DMRT1: variants seen among roughly 807,000 people sequenced by gnomAD.
The protein encoded by DMRT1 is doublesex and mab-3 related transcription factor 1, also known as doublesex- and mab-3-related transcription factor 1.
DMRT1 carries 7 observed loss-of-function variants against 32.3 expected under a neutral mutation model. That is an observed-to-expected ratio of 0.22 (90% CI 0.12 to 0.41). The LOEUF is 0.41. Among genes scored for constraint, DMRT1 ranks in the 10% least tolerant of loss-of-function variants. The pLI, the probability that DMRT1 is intolerant of heterozygous loss-of-function variation, is 1.00. For missense variants in DMRT1, 625 were observed against 500.5 expected (o/e 1.25, Z -2.37); for synonymous variants, 278 against 206.1 (o/e 1.35, Z -2.99).
At chr9:902,794 C>T (rs1294977632) in intron 3 of DMRT1, among the ~76,000 whole-genome samples, 1 of 152,052 alleles carries the variant, frequency 6.6e-6, no homozygotes, top group Admixed American at 6.6e-5. Context: ...CAGCTTTCCG[C>T]TCCTTTTTAT....
chr9:847,179 G>T (rs1185938578), intron 2 of DMRT1, 36 bp downstream of exon 2: 4 of 1,604,666 alleles, frequency 2.5e-6, no homozygotes, highest in Admixed American at 1.7e-5. Flanking sequence ...ATGGAGGCTG[G>T]GCATGAGGGA....
intron 4 of DMRT1, among the ~76,000 whole-genome samples, chr9:964,320 T>A (rs1819865068): frequency 6.6e-6 from 1 of 152,172 alleles, no homozygotes; most frequent in South Asian, 2.1e-4. Flanking sequence ...AGAATGATCC[T>A]GTGTAAGGTT....
rs879292055 is a variant in DMRT1, at chr9:904,143, A to G, written c.822+9948A>G. Among the ~76,000 whole-genome samples the G allele has an allele frequency of 1.7e-4, 26 of 152,346 alleles. 2 individuals are homozygous for G. The South Asian group carries it at 3.3e-3, about 19-fold the overall frequency. ...CATTAGGTTAGTAAATAATATAGTC[A>G]TTTGGGGATTCTGTAATTGGCTTGA... On this transcript the variant is annotated intron_variant, in intron 3 of 4. Coordinates refer to ENST00000382276, the MANE Select transcript of DMRT1 (RefSeq NM_021951.3).
chr9:917,825 C>A (rs572499661), intron 4 of DMRT1, among the ~76,000 whole-genome samples: 1 of 152,294 alleles, frequency 6.6e-6, no homozygotes, highest in East Asian at 1.9e-4. Context: ...ACCATATTAA[C>A]ATAAAATAAA....
At chr9:915,501 C>G (rs896963840) in intron 3 of DMRT1, among the ~76,000 whole-genome samples, 2 of 151,934 alleles carry the variant, frequency 1.3e-5, no homozygotes, top group African/African-American at 4.8e-5. Context: ...CATGCAGCTG[C>G]CACTGGAGGG....
At chr9:903,813 T>A (rs1270828015) in intron 3 of DMRT1, among the ~76,000 whole-genome samples, 1 of 152,048 alleles carries the variant, frequency 6.6e-6, no homozygotes, top group East Asian at 1.9e-4. Context: ...CTAGAAGGAG[T>A]GCAGACCTGG....
chr9:846,416 A>G (rs1436643426), intron 1 of DMRT1, among the ~76,000 whole-genome samples: 1 of 152,038 alleles, frequency 6.6e-6, no homozygotes, highest in East Asian at 1.9e-4. Context: ...GCCTTTTACA[A>G]GTTTATGGAA....
At chr9:879,098 C>T (rs1816627659) in intron 2 of DMRT1, among the ~76,000 whole-genome samples, 2 of 152,152 alleles carry the variant, frequency 1.3e-5, no homozygotes, top group African/African-American at 4.8e-5. Flanking sequence ...ACCCTGAGAG[C>T]CAGCTCAGAA....
chr9:850,311 T>A (rs779007372), intron 2 of DMRT1, among the ~76,000 whole-genome samples: 91 of 151,778 alleles, frequency 6.0e-4, no homozygotes, highest in Non-Finnish European at 1.1e-3. Context: ...AAAGATGGAG[T>A]GTGGGAGAGT....
intron 2 of DMRT1, among the ~76,000 whole-genome samples, chr9:859,247 GC>G (rs1815545845): frequency 6.6e-6 from 1 of 152,112 alleles, no homozygotes; most frequent in African/African-American, 2.4e-5. Flanking sequence ...TCTAACCTGT[GC>G]CTCTTGGGTA....
At chr9:944,078 A>T (rs1443975695) in intron 4 of DMRT1, among the ~76,000 whole-genome samples, 1 of 152,190 alleles carries the variant, frequency 6.6e-6, no homozygotes, top group African/African-American at 2.4e-5. Flanking sequence ...TCCCCTCTCT[A>T]AACCTTAGTT....
intron 2 of DMRT1, among the ~76,000 whole-genome samples, chr9:851,707 C>G (rs1232276151): frequency 6.6e-6 from 1 of 152,134 alleles, no homozygotes; most frequent in Non-Finnish European, 1.5e-5. Flanking sequence ...AGAAACTGGC[C>G]TCTCTGAGGA....
At chr9:850,653 T>C (rs1334677780) in intron 2 of DMRT1, among the ~76,000 whole-genome samples, 1 of 152,146 alleles carries the variant, frequency 6.6e-6, no homozygotes, top group Non-Finnish European at 1.5e-5. Flanking sequence ...ATAGTGGAAG[T>C]ATGTTGTTCC....
At position 926,262 on chromosome 9, in the gene DMRT1, A is replaced by G. The variant is rs556368535; in HGVS notation, c.967+9355A>G. Among the ~76,000 whole-genome samples the G allele has an allele frequency of 8.5e-5, 13 of 152,320 alleles. No individual in the cohort carries two copies. In the East Asian group the frequency reaches 2.5e-3, roughly 29 times the overall value. ...TAAAGTCACTTTTAATTTTGTGATT[A>G]TATTTGAATTTTCCTTTTATTTAAT... On this transcript the variant is annotated intron_variant, in intron 4 of 4. Transcript: ENST00000382276.
In DMRT1 at chr9:864,709, C is replaced by T. The variant is rs550076069; in HGVS notation, c.538+17566C>T. ...TAGAGACAGGGTTTCACCATGTTAG[C>T]CAGGATGGTCTCCATCTCCTAACCT... On this transcript the variant is annotated intron_variant, in intron 2 of 4. Transcript: ENST00000382276. Among the ~76,000 whole-genome samples the T allele has an allele frequency of 6.0e-4, 90 of 150,818 alleles. 1 individual carries two copies. Among genetic ancestry groups the T allele is most frequent in the African/African-American group, 2.2e-3 (88 of 40,892 alleles).
intron 4 of DMRT1, among the ~76,000 whole-genome samples, chr9:962,554 TG>T (rs1340339683): frequency 7.1e-5 from 1 of 14,012 alleles, no homozygotes; most frequent in Admixed American, 1.1e-3. Context: ...TTGGGTGGGG[TG>T]GGGTGGGGTG....
intron 2 of DMRT1, among the ~76,000 whole-genome samples, chr9:850,588 T>A (rs185492555): frequency 2.6e-5 from 4 of 152,270 alleles, no homozygotes; most frequent in Admixed American, 2.6e-4. Context: ...CATGTACAGG[T>A]GTATGTGTCT....
At chr9:930,556 C>T (rs942055290) in intron 4 of DMRT1, among the ~76,000 whole-genome samples, 2 of 151,954 alleles carry the variant, frequency 1.3e-5, no homozygotes, top group Non-Finnish European at 2.9e-5. Context: ...CTACAGGCGC[C>T]CGCCACCATG....
intron 3 of DMRT1, among the ~76,000 whole-genome samples, chr9:900,401 A>G (rs1209682407): frequency 6.6e-6 from 1 of 152,072 alleles, no homozygotes; most frequent in Non-Finnish European, 1.5e-5. Flanking sequence ...TTTTAAGTGT[A>G]GCTCAGCATC....
Sources: gnomAD v4.1 joint callset for allele counts (sites outside exome capture counted in the v4.1 genomes callset) on GRCh38, gnomAD v4.1.1 for gene constraint, MANE v1.5 for transcripts, NCBI Gene and HGNC (gene_info 2026-07-23, HGNC 2026-07-21) for gene names.